The following LMO7 variants were observed in gnomAD, a reference collection of about 807,000 sequenced individuals.
LMO7 encodes LIM domain 7, also known as LIM domain only protein 7.
A neutral mutation model predicts 206.5 loss-of-function variants in LMO7; 120 were observed. That is an observed-to-expected ratio of 0.58 (90% CI 0.50 to 0.68). The LOEUF (loss-of-function observed/expected upper bound fraction) is 0.68. LMO7 is among the 30% of genes least tolerant of loss of function. The pLI, the probability that LMO7 is intolerant of heterozygous loss-of-function variation, is 0.00. For missense variants in LMO7, 1,959 were observed against 1,957.9 expected, an observed-to-expected ratio of 1.00 and a Z score of -0.01; for synonymous variants, 706 against 681.5, an observed-to-expected ratio of 1.04 and a Z score of -0.56.
At chr13:75,621,502 A>G (rs2033310082) in exon 1 of LMO7, 1 of 337,404 alleles carries the variant, frequency 3.0e-6, no homozygotes, top group Non-Finnish European at 5.3e-6. Flanking sequence ...TTTGATAACT[A>G]TGTTTATAGA....
chr13:75,834,489 A>T, intron 17 of LMO7, 102 bp downstream of exon 17: 1 of 885,474 alleles, frequency 1.1e-6, no homozygotes, highest in Non-Finnish European at 1.7e-6. Flanking sequence ...TTTTTCACTT[A>T]TGTTTTGGCA....
At chr13:75,754,365 C>T (rs995487448) in intron 3 of LMO7, among the ~76,000 whole-genome samples, 13 of 152,124 alleles carry the variant, frequency 8.5e-5, no homozygotes, top group African/African-American at 3.1e-4. Context: ...GAGTGCTATT[C>T]CATTGTATGG....
chr13:75,731,490 TC>T (rs2045214540), intron 3 of LMO7, among the ~76,000 whole-genome samples: 1 of 152,200 alleles, frequency 6.6e-6, no homozygotes, highest in Non-Finnish European at 1.5e-5. Flanking sequence ...TGGTAGATCT[TC>T]CTCCATTCTT....
In LMO7 at chr13:75,630,805, T is replaced by C. The variant is rs2034821984; in HGVS notation, c.225+7485T>C. 3.4e-5 allele frequency among the ~76,000 whole-genome samples: 5 copies of C among 148,204 alleles called. No homozygotes were observed. The South Asian group carries it at 1.1e-3, about 32-fold the overall frequency. On this transcript the variant is annotated intron_variant, in intron 2 of 29. Transcript: ENST00000341547. Reference sequence around the variant, plus strand: ...TAAGGTGCTTTATACACTGCCTGTTTTCTTTTTTCTTTTTTTCTTTTTGTA... The same window carrying C: ...TAAGGTGCTTTATACACTGCCTGTTCTCTTTTTTCTTTTTTTCTTTTTGTA...
intron 3 of LMO7, among the ~76,000 whole-genome samples, chr13:75,748,602 G>A (rs969088916): frequency 5.3e-5 from 8 of 152,190 alleles, no homozygotes; most frequent in African/African-American, 1.9e-4. Flanking sequence ...AATGTCACAT[G>A]AGGGACAATG....
intron 4 of LMO7, among the ~76,000 whole-genome samples, chr13:75,771,446 T>C (rs2049652678): frequency 1.3e-5 from 1 of 79,464 alleles, no homozygotes; most frequent in Non-Finnish European, 2.6e-5. Context: ...TGTTAAGTGC[T>C]GAGGATTGTA....
At chr13:75,696,663 G>A (rs941615198) in intron 1 of LMO7, among the ~76,000 whole-genome samples, 25 of 152,064 alleles carry the variant, frequency 1.6e-4, no homozygotes, top group Non-Finnish European at 2.9e-5. Flanking sequence ...GAAGGCTTGG[G>A]ACCATTATTT....
intron 18 of LMO7, among the ~76,000 whole-genome samples, chr13:75,835,549 T>C (rs2059049753): frequency 6.6e-6 from 1 of 152,230 alleles, no homozygotes; most frequent in African/African-American, 2.4e-5. Context: ...GTGAGTTATA[T>C]AATGGTAAAA....
At chr13:75,846,084 C>T (rs2059972312) in intron 26 of LMO7, among the ~76,000 whole-genome samples, 1 of 149,414 alleles carries the variant, frequency 6.7e-6, no homozygotes, top group Non-Finnish European at 1.5e-5. Context: ...GCCTACTCTT[C>T]CTGTTGTAAC....
intron 1 of LMO7, among the ~76,000 whole-genome samples, chr13:75,683,179 C>T (rs79895268): frequency 0.01 from 1,533 of 152,038 alleles, 18 homozygotes; most frequent in East Asian, 0.03. Flanking sequence ...CTGCCTCAGC[C>T]TCTTAACAGT....
chr13:75,639,092 G>A (rs1337082475), intron 1 of LMO7, among the ~76,000 whole-genome samples: 1 of 152,058 alleles, frequency 6.6e-6, no homozygotes, highest in Non-Finnish European at 1.5e-5. Context: ...CAATAACCTT[G>A]TAAAGTTTTG....
intron 15 of LMO7, among the ~76,000 whole-genome samples, chr13:75,826,882 C>G (rs1041909088): frequency 6.6e-6 from 1 of 152,152 alleles, no homozygotes; most frequent in Non-Finnish European, 1.5e-5. Context: ...CTGCATACCA[C>G]TGCTTGCTTT....
At chr13:75,706,032 T>C (rs1413116902) in intron 1 of LMO7, among the ~76,000 whole-genome samples, 1 of 152,200 alleles carries the variant, frequency 6.6e-6, no homozygotes, top group Non-Finnish European at 1.5e-5. Context: ...GTGCTTGTCT[T>C]GGGTCAGGCA....
intron 16 of LMO7, 24 bp from the exon 17 acceptor site, chr13:75,834,202 G>A: frequency 6.5e-7 from 1 of 1,546,272 alleles, no homozygotes; most frequent in Non-Finnish European, 8.7e-7. Flanking sequence ...TTCCCCAATT[G>A]GTTAATTTAT....
chr13:75,817,169 C>A lies in LMO7; in HGVS notation c.1955C>A (p.Ser652Tyr). 6.2e-7 allele frequency: 1 copy of A among 1,611,906 alleles called. No individual in the cohort carries two copies. Among genetic ancestry groups the A allele is most frequent in the Non-Finnish European group, 8.5e-7 (1 of 1,178,164 alleles). ...GAGTCTTTTTGTTGTAGGAGTAAGT[C>A]CATGAGTGATGTCAGCGCAGAAGAT... ...QKIYGENGSK[S>Y]MSDVSAEDVQ... The change falls in exon 12 of 31, where the codon TCC (serine) becomes TAC (tyrosine). Residue 652 changes from serine to tyrosine, a missense_variant. Transcript: ENST00000377534.
intron 7 of LMO7, among the ~76,000 whole-genome samples, chr13:75,801,582 A>G (rs1191343877): frequency 6.6e-6 from 1 of 152,192 alleles, no homozygotes; most frequent in African/African-American, 2.4e-5. Flanking sequence ...AGTTATTTCA[A>G]TGCACATCTT....
At chr13:75,815,652 A>G (rs1178257289) in intron 11 of LMO7, among the ~76,000 whole-genome samples, 1 of 152,218 alleles carries the variant, frequency 6.6e-6, no homozygotes, top group Non-Finnish European at 1.5e-5. Flanking sequence ...ATCAGAGGAA[A>G]TAGTTTAGGA....
At chr13:75,798,380 T>A (rs2054304405) in intron 6 of LMO7, among the ~76,000 whole-genome samples, 1 of 152,166 alleles carries the variant, frequency 6.6e-6, no homozygotes, top group Non-Finnish European at 1.5e-5. Flanking sequence ...AAAAACCATG[T>A]GGGACTTTGG....
At chr13:75,849,378 G>T (rs2060284915) in intron 27 of LMO7, 86 bp downstream of exon 27, 1 of 1,032,480 alleles carries the variant, frequency 9.7e-7, no homozygotes, top group Admixed American at 1.9e-5. Flanking sequence ...TTGGACAGAA[G>T]AGATGAAAGG....
Sources: allele counts gnomAD v4.1 joint callset (sites outside exome capture counted in the v4.1 genomes callset), GRCh38; gene constraint gnomAD v4.1.1; transcripts MANE v1.5; gene names NCBI Gene and HGNC (gene_info 2026-07-23, HGNC 2026-07-21).